ANKRD12: variants seen among roughly 807,000 people sequenced by gnomAD.
ANKRD12 encodes ankyrin repeat domain 12, also known as ankyrin repeat domain-containing protein 12.
ANKRD12 carries 85 observed loss-of-function variants against 183.4 expected under a neutral mutation model. The ratio of observed to expected loss-of-function variants is 0.46; its 90% CI spans 0.39 to 0.56. The LOEUF (loss-of-function observed/expected upper bound fraction) is 0.56, where lower values mean the gene tolerates loss of function less well. ANKRD12 is among the 20% of genes least tolerant of loss of function. ANKRD12 has a pLI of 0.00. For synonymous variants in ANKRD12, 914 were observed against 800.2 expected, an observed-to-expected ratio of 1.14 and a Z score of -2.40; for missense variants, 2,405 against 2,357.1, an observed-to-expected ratio of 1.02 and a Z score of -0.42.
chr18:9,154,129 T>TGA (rs1458375114), intron 1 of ANKRD12, among the ~76,000 whole-genome samples: 1 of 152,096 alleles, frequency 6.6e-6, no homozygotes, highest in Non-Finnish European at 1.5e-5. Context: ...TTTTAAAAGA[T>TGA]TACTCTGCGG....
chr18:9,219,026 GTCA>G (rs2144721365), intron 7 of ANKRD12, among the ~76,000 whole-genome samples: 1 of 152,132 alleles, frequency 6.6e-6, no homozygotes, highest in South Asian at 2.1e-4. Context: ...ATCATCTTTT[GTCA>G]TCATTTTTAC....
At chr18:9,247,477 T>TA (rs917665689) in intron 8 of ANKRD12, among the ~76,000 whole-genome samples, 21 of 151,958 alleles carry the variant, frequency 1.4e-4, no homozygotes, top group African/African-American at 2.9e-4. Flanking sequence ...AGACCCTATC[T>TA]AAAAAAAAAT....
intron 1 of ANKRD12, among the ~76,000 whole-genome samples, chr18:9,169,061 T>C (rs1472220810): frequency 1.3e-5 from 2 of 152,174 alleles, no homozygotes; most frequent in Non-Finnish European, 2.9e-5. Context: ...GAGTTCTAGT[T>C]TGATTGCACT....
chr18:9,137,488 G>C (rs1171229510), intron 1 of ANKRD12: 1 of 146,278 alleles, frequency 6.8e-6, no homozygotes, highest in South Asian at 2.1e-4. Context: ...ACCCGCGGGG[G>C]CGGGGGCGCG....
chr18:9,201,950 C>T (rs771885850), intron 3 of ANKRD12, among the ~76,000 whole-genome samples: 10 of 151,926 alleles, frequency 6.6e-5, no homozygotes, highest in South Asian at 2.1e-4. Flanking sequence ...GTCTCAGCCT[C>T]CTCAATAGCT....
At chr18:9,145,891 C>G (rs1160360052) in intron 1 of ANKRD12, among the ~76,000 whole-genome samples, 3 of 152,192 alleles carry the variant, frequency 2.0e-5, no homozygotes, top group Admixed American at 6.5e-5. Context: ...AAGGCATTCT[C>G]TGTTTATGGG....
At chr18:9,238,073 T>G (rs1002740432) in intron 8 of ANKRD12, among the ~76,000 whole-genome samples, 6 of 152,208 alleles carry the variant, frequency 3.9e-5, no homozygotes, top group Non-Finnish European at 8.8e-5. Flanking sequence ...TTTGAAATTC[T>G]CCATAGAATT....
At chr18:9,233,216 T>G (rs1274828046) in intron 8 of ANKRD12, among the ~76,000 whole-genome samples, 1 of 152,002 alleles carries the variant, frequency 6.6e-6, no homozygotes, top group Non-Finnish European at 1.5e-5. Context: ...TGAAGTTTTT[T>G]TAGTGTATTT....
intron 8 of ANKRD12, among the ~76,000 whole-genome samples, chr18:9,226,432 A>AT (rs1349963121): frequency 5.3e-5 from 4 of 75,444 alleles, no homozygotes; most frequent in Non-Finnish European, 1.3e-4. Flanking sequence ...TCTCAAAAAA[A>AT]GAAAAAAAAA....
Position 9,282,549 on chromosome 18 carries a change from CTTG to C in ANKRD12, c.*1426_*1428del, listed in dbSNP as rs934220623. 3 of 152,414 alleles carry C rather than the reference CTTG, an allele frequency of 2.0e-5. No individual in the cohort carries two copies. The highest frequency in any genetic ancestry group is 7.2e-5 in the African/African-American group (3 of 41,416). 9.4% of individuals were successfully genotyped at this position (152,414 alleles called of 1,614,324 possible). A position where few individuals can be genotyped will look rare whatever the true frequency, so the allele number is the denominator to read the frequency against. ...TTCAGGTCTGAAATCTGCTGCTGAA[CTTG>C]TTAGACATTTTTGAAAGGAAAATTA... is the stretch of plus-strand genomic sequence containing the variant. On this transcript the variant is annotated 3_prime_UTR_variant, in exon 13 of 13. Transcript: ENST00000262126.
chr18:9,195,641 C>T lies in ANKRD12; in HGVS notation c.178C>T (p.Arg60Cys). 6.2e-7 allele frequency: 1 copy of T among 1,612,748 alleles called. No individual in the cohort carries two copies. The highest frequency in any genetic ancestry group is 8.5e-7 in the Non-Finnish European group (1 of 1,179,342). ...KEMKEKSSMKRKLPFTISPSR... is the reference protein window; with the variant it reads ...KEMKEKSSMKCKLPFTISPSR... Reference sequence around the variant, plus strand: ...GATGAAAGAGAAATCATCCATGAAACGTAAACTTCCTTTTACTATTAGCCC... The same window carrying T: ...GATGAAAGAGAAATCATCCATGAAATGTAAACTTCCTTTTACTATTAGCCC... The change falls in exon 3 of 13, where the codon CGT (arginine) becomes TGT (cysteine). Residue 60 changes from arginine (R) to cysteine (C), a missense_variant. This residue lies in a region of ANKRD12 where 145 missense variants were observed against 145.6 expected (regional missense o/e 1.00). Transcript: ENST00000262126.
chr18:9,153,831 C>T (rs748601746), intron 1 of ANKRD12, among the ~76,000 whole-genome samples: 6 of 151,948 alleles, frequency 3.9e-5, no homozygotes, highest in Non-Finnish European at 7.4e-5. Context: ...ACTGTCTTCT[C>T]TACTTGTTCT....
At chr18:9,158,054 C>T (rs1289629824) in intron 1 of ANKRD12, among the ~76,000 whole-genome samples, 1 of 152,094 alleles carries the variant, frequency 6.6e-6, no homozygotes, top group East Asian at 1.9e-4. Context: ...GATGTTTTCT[C>T]TGAAGAGGAT....
chr18:9,245,707 T>C (rs72939222), intron 8 of ANKRD12, among the ~76,000 whole-genome samples: 9,430 of 152,282 alleles, frequency 0.062, 395 homozygotes, highest in Non-Finnish European at 0.091. Context: ...TAAACACTTA[T>C]GTAAATCAAT....
At chr18:9,266,714 A>G (rs1430710479) in intron 10 of ANKRD12, among the ~76,000 whole-genome samples, 7 of 152,204 alleles carry the variant, frequency 4.6e-5, no homozygotes, top group African/African-American at 1.7e-4. Flanking sequence ...TCAACTAACA[A>G]GCAAAATAAC....
chr18:9,182,358 C>A (rs2033760100), intron 1 of ANKRD12, 24 bp from the exon 2 acceptor site: 2 of 637,914 alleles, frequency 3.1e-6, no homozygotes, highest in African/African-American at 2.4e-5. Flanking sequence ...ATTCAAATAA[C>A]CCTTATATAT....
chr18:9,205,665 A>G (rs2035447194), intron 4 of ANKRD12, among the ~76,000 whole-genome samples: 1 of 152,278 alleles, frequency 6.6e-6, no homozygotes, highest in Non-Finnish European at 1.5e-5. Context: ...TAATCTGAGT[A>G]TCATTGCCGG....
rs570675730 is a variant in ANKRD12, at chr18:9,151,983, G to A, written c.-52+15018G>A. On this transcript the variant is annotated intron_variant, in intron 1 of 12. Transcript: ENST00000262126. ...GTCATCCCAGCACTTTTGAGAGGCC[G>A]AAGCAGGAGGATTACTTGAGGCCAT... Among the ~76,000 whole-genome samples the A allele has an allele frequency of 9.9e-5, 15 of 152,258 alleles. No homozygotes were observed. The East Asian group carries it at 2.1e-3, about 22-fold the overall frequency.
At chr18:9,155,115 C>T (rs2030207894) in intron 1 of ANKRD12, among the ~76,000 whole-genome samples, 1 of 152,168 alleles carries the variant, frequency 6.6e-6, no homozygotes, top group East Asian at 1.9e-4. Context: ...ACAAGTTCTT[C>T]AGAAAAGAAG....
Sources: gnomAD v4.1 joint callset for allele counts (sites outside exome capture counted in the v4.1 genomes callset) on GRCh38, gnomAD v4.1.1 for gene constraint, gnomAD v4.1.1 regional missense constraint, MANE v1.5 for transcripts, NCBI Gene and HGNC (gene_info 2026-07-23, HGNC 2026-07-21) for gene names.